Variants in CRPPA observed in about 807,000 individuals in gnomAD.
CRPPA encodes the protein D-ribitol-5-phosphate cytidylyltransferase.
In CRPPA, 43 loss-of-function variants were observed where a neutral mutation model predicts 52.0. That is an observed-to-expected ratio of 0.83 (90% CI 0.65 to 1.07). The LOEUF (loss-of-function observed/expected upper bound fraction) is 1.07, where lower values mean the gene tolerates loss of function less well. Ranked by LOEUF, CRPPA falls within the 50% of genes least tolerant of loss-of-function variation. The probability of loss-of-function intolerance (pLI) is 0.00; values close to 1 mark genes in which losing one functional copy is unlikely to be tolerated. For missense variants in CRPPA, 629 were observed against 551.7 expected, an observed-to-expected ratio of 1.14 and a Z score of -1.40; for synonymous variants, 250 against 203.5, an observed-to-expected ratio of 1.23 and a Z score of -1.94.
intron 9 of CRPPA, among the ~76,000 whole-genome samples, chr7:16,144,237 C>T (rs907020164): frequency 6.6e-6 from 1 of 152,198 alleles, no homozygotes; most frequent in Non-Finnish European, 1.5e-5. Flanking sequence ...ACCAAAAATC[C>T]AGGGATGCGC....
At chr7:16,335,033 G>A (rs561338771) in intron 3 of CRPPA, among the ~76,000 whole-genome samples, 6 of 151,470 alleles carry the variant, frequency 4.0e-5, no homozygotes, top group South Asian at 2.1e-4. Context: ...TCTTAAAGAC[G>A]TTCAGGCCAG....
intron 5 of CRPPA, among the ~76,000 whole-genome samples, chr7:16,300,369 T>C (rs1389814789): frequency 6.6e-6 from 1 of 152,202 alleles, no homozygotes; most frequent in Non-Finnish European, 1.5e-5. Context: ...AATTTGGAAG[T>C]TGACCTCTCA....
intron 4 of CRPPA, among the ~76,000 whole-genome samples, chr7:16,307,604 T>C (rs1420285979): frequency 6.7e-6 from 1 of 149,030 alleles, no homozygotes; most frequent in East Asian, 2.0e-4. Context: ...TGCTTGAAAT[T>C]TGGAGGTGGA....
At chr7:16,216,847 G>T (rs188004726) in intron 8 of CRPPA, among the ~76,000 whole-genome samples, 1 of 152,084 alleles carries the variant, frequency 6.6e-6, no homozygotes, top group African/African-American at 2.4e-5. Context: ...ACTGCAAGGC[G>T]GCAGCGAGGC....
intron 2 of CRPPA, among the ~76,000 whole-genome samples, chr7:16,391,195 G>C (rs924801440): frequency 4.6e-5 from 7 of 151,114 alleles, no homozygotes; most frequent in African/African-American, 1.7e-4. Context: ...CTCCAAACCT[G>C]TTCCTACAGA....
At chr7:16,399,452 G>C (rs992860209) in intron 2 of CRPPA, among the ~76,000 whole-genome samples, 1 of 152,092 alleles carries the variant, frequency 6.6e-6, no homozygotes, top group Non-Finnish European at 1.5e-5. Context: ...TGTCCAACAT[G>C]TGACTGATAC....
intron 9 of CRPPA, among the ~76,000 whole-genome samples, chr7:16,119,866 T>C (rs1446372023): frequency 6.6e-6 from 1 of 152,202 alleles, no homozygotes; most frequent in Non-Finnish European, 1.5e-5. Flanking sequence ...TAGACAGCTG[T>C]ATATGTTGAG....
intron 9 of CRPPA, among the ~76,000 whole-genome samples, chr7:16,110,406 T>C (rs1037243306): frequency 2.0e-5 from 3 of 152,064 alleles, no homozygotes; most frequent in South Asian, 2.1e-4. Flanking sequence ...TCATTTTTCA[T>C]ACAAATAAAA....
At chr7:16,198,970 T>C (rs1259944193) in intron 9 of CRPPA, among the ~76,000 whole-genome samples, 1 of 152,176 alleles carries the variant, frequency 6.6e-6, no homozygotes, top group Admixed American at 6.5e-5. Flanking sequence ...GGAACCTCTG[T>C]TTCCAGCCTC....
At chr7:16,186,563 A>T (rs1341318426) in intron 9 of CRPPA, among the ~76,000 whole-genome samples, 3 of 152,204 alleles carry the variant, frequency 2.0e-5, no homozygotes, top group Admixed American at 2.0e-4. Context: ...ACAGAGGGGG[A>T]ATAGAATTGA....
At chr7:16,192,533 A>G (rs1239633438) in intron 9 of CRPPA, among the ~76,000 whole-genome samples, 1 of 152,142 alleles carries the variant, frequency 6.6e-6, no homozygotes, top group East Asian at 1.9e-4. Flanking sequence ...AAAATGTAGA[A>G]CATTTCCATC....
intron 8 of CRPPA, among the ~76,000 whole-genome samples, chr7:16,251,737 G>C (rs1783455121): frequency 6.6e-6 from 1 of 152,210 alleles, no homozygotes. Flanking sequence ...AGTGTGTAGA[G>C]GGAAATTTAT....
At chr7:16,382,503 G>A (rs191735587) in intron 2 of CRPPA, among the ~76,000 whole-genome samples, 7,866 of 152,070 alleles carry the variant, frequency 0.052, 291 homozygotes, top group Non-Finnish European at 0.079. Context: ...TATCTTTGTG[G>A]CATTCTCTGT....
chr7:16,207,233 T>C (rs536226734), intron 9 of CRPPA, among the ~76,000 whole-genome samples: 1 of 152,306 alleles, frequency 6.6e-6, no homozygotes, highest in Non-Finnish European at 1.5e-5. Context: ...CTTGGACAGA[T>C]AGCTCCTGAT....
chr7:16,378,938 A>G (rs12397698), intron 2 of CRPPA, among the ~76,000 whole-genome samples: 74,152 of 151,698 alleles, frequency 0.49, 19,328 homozygotes, highest in African/African-American at 0.67. Context: ...CATCTCCTTC[A>G]CCCACTTTTT....
intron 3 of CRPPA, among the ~76,000 whole-genome samples, chr7:16,337,956 G>A (rs753798781): frequency 2.0e-5 from 3 of 151,892 alleles, no homozygotes; most frequent in Non-Finnish European, 2.9e-5. Flanking sequence ...AACTCACTCC[G>A]CCCACCCCAA....
At chr7:16,399,031 G>A (rs533192274) in intron 2 of CRPPA, among the ~76,000 whole-genome samples, 9 of 152,342 alleles carry the variant, frequency 5.9e-5, no homozygotes, top group East Asian at 3.9e-4. Context: ...TGACCAACAC[G>A]TTTAGGACAG....
intron 8 of CRPPA, among the ~76,000 whole-genome samples, chr7:16,243,353 T>C (rs937615171): frequency 6.6e-6 from 1 of 152,200 alleles, no homozygotes; most frequent in South Asian, 2.1e-4. Flanking sequence ...AGTATCTTTA[T>C]AGCAGTGTGA....
chr7:16,121,148 A>C (rs1456851847), intron 9 of CRPPA, among the ~76,000 whole-genome samples: 3 of 152,128 alleles, frequency 2.0e-5, no homozygotes, highest in Non-Finnish European at 4.4e-5. Flanking sequence ...CCAAACCAGA[A>C]TTGAAATCTA....
Sources: allele counts gnomAD v4.1 joint callset (sites outside exome capture counted in the v4.1 genomes callset), GRCh38; gene constraint gnomAD v4.1.1; transcripts MANE v1.5; gene names NCBI Gene and HGNC (gene_info 2026-07-23, HGNC 2026-07-21).